The following QRICH1 variants were observed in gnomAD, a reference collection of about 807,000 sequenced individuals.
QRICH1 encodes the protein glutamine rich 1.
In QRICH1, 16 loss-of-function variants were observed where a neutral mutation model predicts 87.1. The observed-to-expected ratio is 0.18, with a 90% CI of 0.12 to 0.28. The LOEUF (loss-of-function observed/expected upper bound fraction) is 0.28, where lower values mean the gene tolerates loss of function less well. QRICH1 is among the 10% of genes least tolerant of loss of function. The probability of loss-of-function intolerance (pLI) is 1.00; values close to 1 mark genes in which losing one functional copy is unlikely to be tolerated. For missense variants in QRICH1, 647 were observed against 951.7 expected (o/e 0.68, Z 4.21); for synonymous variants, 367 against 368.4 (o/e 1.00, Z 0.05).
At chr3:49,055,793 C>T (rs1445097435) in intron 3 of QRICH1, among the ~76,000 whole-genome samples, 2 of 152,172 alleles carry the variant, frequency 1.3e-5, no homozygotes, top group East Asian at 3.8e-4. Context: ...CTGCTTCAGC[C>T]TCCTGAGTAG....
At chr3:49,080,046 C>T (rs1362437821) in intron 1 of QRICH1, among the ~76,000 whole-genome samples, 1 of 143,774 alleles carries the variant, frequency 7.0e-6, no homozygotes, top group African/African-American at 2.5e-5. Context: ...AAAAAAAAGG[C>T]ATCTTTCATA....
chr3:49,035,838 G>C (rs2093271500), intron 6 of QRICH1, among the ~76,000 whole-genome samples: 4 of 150,966 alleles, frequency 2.6e-5, no homozygotes. Context: ...ACCTTGGGAG[G>C]CCAAGGCAGG....
At chr3:49,070,646 C>G (rs547754861) in intron 2 of QRICH1, among the ~76,000 whole-genome samples, 4 of 151,704 alleles carry the variant, frequency 2.6e-5, no homozygotes, top group Non-Finnish European at 2.9e-5. Context: ...TGTTTCCCAG[C>G]CTGGTCTCAA....
chr3:49,064,706 C>CA (rs924977434), intron 2 of QRICH1, among the ~76,000 whole-genome samples: 4 of 151,760 alleles, frequency 2.6e-5, no homozygotes, highest in East Asian at 1.9e-4. Flanking sequence ...TATACTAAAA[C>CA]AAAAAAAATT....
chr3:49,053,507 A>G lies in QRICH1; in HGVS notation c.1338+3355T>C, dbSNP rs533993728. 3.0e-3 allele frequency among the ~76,000 whole-genome samples: 434 copies of G among 145,354 alleles called. 4 individuals are homozygous for G. Among genetic ancestry groups the G allele is most frequent in the African/African-American group, 0.01 (397 of 38,564 alleles). Reference sequence around the variant, plus strand: ...GTCTCAAAAAAAAAAAAAAAAAAACAAGTCTCAACAATGGGCTGCTGTGTT... The same window carrying G: ...GTCTCAAAAAAAAAAAAAAAAAAACGAGTCTCAACAATGGGCTGCTGTGTT... On this transcript the variant is annotated intron_variant, in intron 3 of 9. Coordinates refer to ENST00000395443, the MANE Select transcript of QRICH1 (RefSeq NM_198880.3).
chr3:49,033,239 T>G lies in QRICH1; in HGVS notation c.1787-11A>C. ...TGGGCAAGACATAGCCTAGGAGGAA[T>G]AGAGTACTGTCACAACAAGAGGATG... On this transcript the variant is annotated splice_polypyrimidine_tract_variant and intron_variant, in intron 6 of 9. Transcript: ENST00000395443. The G allele has an allele frequency of 6.7e-7, 1 of 1,500,032 alleles. No homozygotes were observed. Among genetic ancestry groups the G allele is most frequent in the Non-Finnish European group, 8.9e-7 (1 of 1,119,642 alleles). 92.9% of individuals were successfully genotyped at this position (1,500,032 alleles called of 1,614,324 possible).
At chr3:49,034,085 A>ATTATTATTG (rs1192187902) in intron 6 of QRICH1, among the ~76,000 whole-genome samples, 1 of 149,738 alleles carries the variant, frequency 6.7e-6, no homozygotes, top group African/African-American at 2.4e-5. Context: ...GGATTTTATT[A>ATTATTATTG]TTATTATTAT....
intron 5 of QRICH1, among the ~76,000 whole-genome samples, chr3:49,044,834 C>G (rs965445651): frequency 2.0e-5 from 3 of 151,998 alleles, no homozygotes; most frequent in Non-Finnish European, 4.4e-5. Context: ...ATGTGCAAGT[C>G]TTTTAATTTC....
intron 6 of QRICH1, among the ~76,000 whole-genome samples, chr3:49,043,496 CAAAAAAAAAAAAAAAA>C (rs57402124): frequency 5.1e-4 from 19 of 37,622 alleles, no homozygotes; most frequent in African/African-American, 2.2e-3. Flanking sequence ...AACTCTGTCT[CAAAAAAAAAAAAAAAA>C]AAAAAAAAAA....
chr3:49,062,350 C>A (rs930273655), intron 2 of QRICH1, among the ~76,000 whole-genome samples: 4 of 142,912 alleles, frequency 2.8e-5, no homozygotes, highest in Admixed American at 7.0e-5. Flanking sequence ...AAAAAAAAAA[C>A]AAGAAAAAAT....
At chr3:49,039,957 A>G (rs1192764223) in intron 6 of QRICH1, among the ~76,000 whole-genome samples, 2 of 152,150 alleles carry the variant, frequency 1.3e-5, no homozygotes, top group Non-Finnish European at 2.9e-5. Flanking sequence ...GCTACTTGGG[A>G]GGCTGAGGCA....
intron 1 of QRICH1, among the ~76,000 whole-genome samples, chr3:49,091,619 GA>G (rs1321522543): frequency 6.6e-6 from 1 of 152,196 alleles, no homozygotes; most frequent in African/African-American, 2.4e-5. Flanking sequence ...AGAGTTATAG[GA>G]AAAATTCATC....
intron 3 of QRICH1, among the ~76,000 whole-genome samples, chr3:49,054,193 A>G (rs550080729): frequency 1.3e-5 from 2 of 152,316 alleles, no homozygotes; most frequent in South Asian, 4.1e-4. Flanking sequence ...AGACCCAGAC[A>G]TGGAAATTAT....
chr3:49,084,029 TA>T (rs889836530), intron 1 of QRICH1, among the ~76,000 whole-genome samples: 1 of 151,996 alleles, frequency 6.6e-6, no homozygotes, highest in Admixed American at 6.6e-5. Flanking sequence ...CTTGAACTCC[TA>T]AACTCATGAT....
chr3:49,093,638 G>A (rs922175198), intron 1 of QRICH1: 3 of 165,248 alleles, frequency 1.8e-5, no homozygotes, highest in African/African-American at 4.8e-5. Flanking sequence ...CGCACCGAGA[G>A]CCGCACAGCG....
At chr3:49,039,447 G>A (rs908347599) in intron 6 of QRICH1, among the ~76,000 whole-genome samples, 6 of 151,768 alleles carry the variant, frequency 4.0e-5, no homozygotes, top group South Asian at 2.1e-4. Flanking sequence ...TCGGGAGGCC[G>A]AGGCGGGCCG....
intron 1 of QRICH1, among the ~76,000 whole-genome samples, chr3:49,079,241 C>A (rs1317445823): frequency 3.3e-5 from 5 of 151,404 alleles, no homozygotes; most frequent in South Asian, 4.2e-4. Flanking sequence ...CTAAAAAAAA[C>A]AAACAAACAA....
Position 49,060,073 on chromosome 3 carries a change from C to T in QRICH1, c.310-2183G>A, listed in dbSNP as rs533297023. ...CTGATTTTTTTATTTTTAGTAGAGA[C>T]AGGGTTTCACCGTGTTAGCCAGGAT... On this transcript the variant is annotated intron_variant, in intron 2 of 9. Transcript: ENST00000395443. Among the ~76,000 whole-genome samples, 9 of 151,054 alleles carry T rather than the reference C, an allele frequency of 6.0e-5. No homozygotes were observed. In the South Asian group the frequency reaches 1.9e-3, roughly 32 times the overall value.
At chr3:49,072,694 T>C (rs1022229219) in intron 2 of QRICH1, among the ~76,000 whole-genome samples, 6 of 152,116 alleles carry the variant, frequency 3.9e-5, no homozygotes, top group African/African-American at 1.4e-4. Context: ...GTACTGAAGC[T>C]TCAGAGGCTA....
Sources: allele counts gnomAD v4.1 joint callset (sites outside exome capture counted in the v4.1 genomes callset), GRCh38; gene constraint gnomAD v4.1.1; transcripts MANE v1.5; gene names NCBI Gene and HGNC (gene_info 2026-07-23, HGNC 2026-07-21).